Variants in DIAPH3 observed in about 807,000 individuals in gnomAD.
The protein encoded by DIAPH3 is protein diaphanous homolog 3.
Under a neutral mutation model 144.3 loss-of-function variants are expected in DIAPH3, and 117 were observed. The observed-to-expected ratio is 0.81, with a 90% CI of 0.70 to 0.95. The LOEUF (loss-of-function observed/expected upper bound fraction) is 0.95, where lower values mean the gene tolerates loss of function less well. Among genes scored for constraint, DIAPH3 ranks in the 40% least tolerant of loss-of-function variants. The pLI is 0.00. For synonymous variants in DIAPH3, 519 were observed against 488.9 expected (o/e 1.06, Z -0.81); for missense variants, 1,421 against 1,412.7 (o/e 1.01, Z -0.09).
intron 2 of DIAPH3, among the ~76,000 whole-genome samples, chr13:60,125,180 T>C (rs2058954027): frequency 6.6e-6 from 1 of 152,148 alleles, no homozygotes; most frequent in Admixed American, 6.6e-5. Flanking sequence ...CACACCGCTC[T>C]TCTAATTAGC....
chr13:59,690,507 T>C (rs780476931), intron 27 of DIAPH3, among the ~76,000 whole-genome samples: 2 of 152,174 alleles, frequency 1.3e-5, no homozygotes, highest in Non-Finnish European at 2.9e-5. Context: ...AATGAAAACA[T>C]TGCACATTTG....
chr13:59,980,882 T>A lies in DIAPH3; in HGVS notation c.1481-23A>T, dbSNP rs755226409. 1,641 of 1,597,928 alleles carry A rather than the reference T, an allele frequency of 1.0e-3. 1 individual carries two copies. The highest frequency in any genetic ancestry group is 1.3e-3 in the Non-Finnish European group (1,518 of 1,169,262). On this transcript the variant is annotated intron_variant, in intron 13 of 27. Transcript: ENST00000400324. ...TGTCTAAAATTGCAATGACAGGAAA[T>A]TTTTAATGTGAAACTTCTTAAACTC...
chr13:59,735,112 A>AT (rs141064680), intron 27 of DIAPH3, among the ~76,000 whole-genome samples: 5 of 151,862 alleles, frequency 3.3e-5, no homozygotes, highest in East Asian at 1.9e-4. Context: ...GAAAAACAGA[A>AT]TTTTTTTTTA....
At chr13:59,923,069 T>C (rs1230351555) in intron 18 of DIAPH3, among the ~76,000 whole-genome samples, 1 of 152,142 alleles carries the variant, frequency 6.6e-6, no homozygotes, top group East Asian at 1.9e-4. Context: ...TCAGTATTTA[T>C]TAGCTGTTTT....
intron 3 of DIAPH3, among the ~76,000 whole-genome samples, chr13:60,095,148 T>TA (rs1044592714): frequency 6.6e-6 from 1 of 151,928 alleles, no homozygotes; most frequent in African/African-American, 2.4e-5. Flanking sequence ...TTCACACACC[T>TA]AAAAAAGAGA....
At chr13:59,984,048 C>A (rs144699036) in intron 12 of DIAPH3, among the ~76,000 whole-genome samples, 161 bp from the exon 13 acceptor site, 1 of 151,668 alleles carries the variant, frequency 6.6e-6, no homozygotes, top group Non-Finnish European at 1.5e-5. Context: ...AGAGTAAATA[C>A]AATTGTCATC....
At chr13:59,832,609 T>C (rs1383354878) in intron 24 of DIAPH3, among the ~76,000 whole-genome samples, 6 of 151,890 alleles carry the variant, frequency 4.0e-5, no homozygotes, top group East Asian at 3.9e-4. Flanking sequence ...AATGAAAGGA[T>C]TCCACATCAA....
At chr13:60,030,793 C>G (rs866482045) in intron 5 of DIAPH3, among the ~76,000 whole-genome samples, 2 of 152,134 alleles carry the variant, frequency 1.3e-5, no homozygotes, top group South Asian at 2.1e-4. Context: ...AATTTAAATC[C>G]TAATCACACT....
At chr13:60,048,418 T>C (rs574630916) in intron 4 of DIAPH3, among the ~76,000 whole-genome samples, 12 of 152,336 alleles carry the variant, frequency 7.9e-5, no homozygotes, top group African/African-American at 2.4e-4. Flanking sequence ...ACAGAAGATA[T>C]GTGAATGGCC....
intron 5 of DIAPH3, among the ~76,000 whole-genome samples, chr13:60,026,604 T>C (rs967909316): frequency 1.3e-5 from 2 of 151,710 alleles, no homozygotes; most frequent in African/African-American, 2.4e-5. Context: ...ATGCTTTAGA[T>C]TGAAAAAAAA....
At chr13:59,708,699 G>C (rs1410445589) in intron 27 of DIAPH3, among the ~76,000 whole-genome samples, 1 of 152,000 alleles carries the variant, frequency 6.6e-6, no homozygotes, top group African/African-American at 2.4e-5. Flanking sequence ...TAATTTCAAA[G>C]CAATCTACTC....
At chr13:59,725,396 T>C (rs1233819107) in intron 27 of DIAPH3, among the ~76,000 whole-genome samples, 1 of 152,242 alleles carries the variant, frequency 6.6e-6, no homozygotes. Flanking sequence ...CAGACTGGCA[T>C]GAATTAACCG....
At chr13:59,704,561 A>G (rs1295256492) in intron 27 of DIAPH3, among the ~76,000 whole-genome samples, 1 of 152,224 alleles carries the variant, frequency 6.6e-6, no homozygotes, top group South Asian at 2.1e-4. Flanking sequence ...ACTTCAGTCA[A>G]TGAAGGATTG....
intron 25 of DIAPH3, among the ~76,000 whole-genome samples, chr13:59,784,345 T>C (rs1346858157): frequency 6.6e-6 from 1 of 151,362 alleles, no homozygotes; most frequent in Non-Finnish European, 1.5e-5. Flanking sequence ...CCTCCCAAAG[T>C]GCTGGGATTA....
chr13:60,095,615 T>TG (rs917214561), intron 3 of DIAPH3, among the ~76,000 whole-genome samples: 3 of 98,738 alleles, frequency 3.0e-5, no homozygotes, highest in Non-Finnish European at 4.9e-5. Flanking sequence ...GTTTTTTGTG[T>TG]TTTTTTTTTT....
rs142503669 is a variant in DIAPH3, at chr13:59,797,839, G to A, written c.3163+12949C>T. On this transcript the variant is annotated intron_variant, in intron 25 of 27. Coordinates refer to ENST00000400324, the MANE Select transcript of DIAPH3 (RefSeq NM_001042517.2). ...ACATGGTTTATTTTCAGAGGTTCTCGGTTAATCTAGCTACAAAAACTTGCA... is the reference window on the plus strand; with the variant it reads ...ACATGGTTTATTTTCAGAGGTTCTCAGTTAATCTAGCTACAAAAACTTGCA... Among the ~76,000 whole-genome samples the A allele has an allele frequency of 1.4e-3, 207 of 152,128 alleles. 1 individual carries two copies. Among genetic ancestry groups the A allele is most frequent in the African/African-American group, 4.7e-3 (193 of 41,502 alleles).
At position 59,787,837 on chromosome 13, in the gene DIAPH3, T is replaced by TCATAA. The variant is rs574343739; in HGVS notation, c.3164-13019_3164-13015dup. Among the ~76,000 whole-genome samples, 45 of 152,246 alleles carry TCATAA rather than the reference T, an allele frequency of 3.0e-4. 1 individual carries two copies. The highest frequency in any genetic ancestry group is 6.8e-3 in the Middle Eastern group (2 of 294). The stretch of plus-strand genomic sequence containing the variant: ...GAAAGGGCTTTGGGAGGTGATGAGA[T>TCATAA]CATAAGGGCAGAGCCTTTGTTAATG... On this transcript the variant is annotated intron_variant, in intron 25 of 27. Transcript: ENST00000400324.
chr13:59,711,558 T>TA (rs1156618151), intron 27 of DIAPH3, among the ~76,000 whole-genome samples: 1 of 152,102 alleles, frequency 6.6e-6, no homozygotes, highest in Non-Finnish European at 1.5e-5. Context: ...TCACCACCAC[T>TA]ACCCCCTCTC....
intron 27 of DIAPH3, among the ~76,000 whole-genome samples, chr13:59,773,484 C>G (rs915881786): frequency 6.6e-6 from 1 of 152,106 alleles, no homozygotes; most frequent in Non-Finnish European, 1.5e-5. Flanking sequence ...AAACAGCACC[C>G]ACAATCAACG....
Sources: allele counts gnomAD v4.1 joint callset (sites outside exome capture counted in the v4.1 genomes callset), GRCh38; gene constraint gnomAD v4.1.1; transcripts MANE v1.5; gene names NCBI Gene and HGNC (gene_info 2026-07-23, HGNC 2026-07-21).